HIVEP2: variants seen among roughly 807,000 people sequenced by gnomAD.
HIVEP2 encodes the protein HIVEP zinc finger 2, also known as transcription factor HIVEP2.
A neutral mutation model predicts 180.7 loss-of-function variants in HIVEP2; 14 were observed. The observed-to-expected ratio is 0.08, with a 90% CI of 0.05 to 0.12. HIVEP2 has a LOEUF of 0.12. Among genes scored for constraint, HIVEP2 ranks in the 10% least tolerant of loss-of-function variants. The probability of loss-of-function intolerance (pLI) is 1.00; values close to 1 mark genes in which losing one functional copy is unlikely to be tolerated. For synonymous variants in HIVEP2, 1,184 were observed against 1,136.4 expected (o/e 1.04, Z -0.84); for missense variants, 2,579 against 3,008.5 (o/e 0.86, Z 3.34).
At chr6:142,763,876 C>T (rs1440369174) in intron 7 of HIVEP2, among the ~76,000 whole-genome samples, 5 of 151,974 alleles carry the variant, frequency 3.3e-5, no homozygotes, top group Admixed American at 6.6e-5. Flanking sequence ...GAGAGGCTAC[C>T]CATTTACACT....
At chr6:142,763,732 T>G (rs567296673) in intron 7 of HIVEP2, among the ~76,000 whole-genome samples, 1 of 152,222 alleles carries the variant, frequency 6.6e-6, no homozygotes, top group Non-Finnish European at 1.5e-5. Context: ...AAGGCTTGAT[T>G]GTGCAGAGGT....
intron 1 of HIVEP2, among the ~76,000 whole-genome samples, chr6:142,909,786 G>A (rs1209335149): frequency 1.3e-5 from 2 of 152,180 alleles, no homozygotes; most frequent in East Asian, 1.9e-4. Context: ...CTCAGCCCTA[G>A]TAGAACTTAG....
intron 1 of HIVEP2, among the ~76,000 whole-genome samples, chr6:142,854,139 T>C (rs1485443703): frequency 6.6e-6 from 1 of 152,180 alleles, no homozygotes; most frequent in African/African-American, 2.4e-5. Flanking sequence ...CCCTCAGATT[T>C]ATTGTTAGCC....
intron 1 of HIVEP2, among the ~76,000 whole-genome samples, chr6:142,872,085 T>C (rs1204342487): frequency 2.0e-5 from 3 of 152,062 alleles, no homozygotes; most frequent in Non-Finnish European, 4.4e-5. Flanking sequence ...GCTGGACCAG[T>C]GCGTAGGTAT....
intron 3 of HIVEP2, among the ~76,000 whole-genome samples, chr6:142,781,272 T>C (rs1162033002): frequency 6.6e-6 from 1 of 152,156 alleles, no homozygotes. Context: ...AGTATGAGAG[T>C]AATTCTCATA....
chr6:142,833,462 A>C (rs79913104), intron 2 of HIVEP2, among the ~76,000 whole-genome samples: 2,517 of 152,292 alleles, frequency 0.017, 88 homozygotes, highest in African/African-American at 0.058. Flanking sequence ...GATAGACAGA[A>C]GGAAATACTA....
rs61180146 is a variant in HIVEP2 at position 142,778,982 on chromosome 6, A to T, written c.-432-2791T>A. ...AATGCCATTTCCTAGAAATAAAAAAATCCATAATTTAAATAATGTTCAAAA... is the reference window on the plus strand; with the variant it reads ...AATGCCATTTCCTAGAAATAAAAAATTCCATAATTTAAATAATGTTCAAAA... On this transcript the variant is annotated intron_variant, in intron 3 of 9. Coordinates refer to ENST00000367603, the MANE Select transcript of HIVEP2 (RefSeq NM_006734.4). Among the ~76,000 whole-genome samples, 600 of 152,374 alleles carry T rather than the reference A, an allele frequency of 3.9e-3. 8 individuals are homozygous for T. The highest frequency in any genetic ancestry group is 0.014 in the African/African-American group (568 of 41,588).
chr6:142,777,570 C>T (rs962016812), intron 3 of HIVEP2, among the ~76,000 whole-genome samples: 3 of 137,194 alleles, frequency 2.2e-5, no homozygotes, highest in African/African-American at 8.3e-5. Flanking sequence ...ATTGTTTGGA[C>T]CCGGGAGGCA....
chr6:142,810,530 G>C (rs1021950798), intron 2 of HIVEP2, among the ~76,000 whole-genome samples: 1 of 152,140 alleles, frequency 6.6e-6, no homozygotes, highest in East Asian at 1.9e-4. Context: ...TGGGAGGCCA[G>C]GGGGGCAAAT....
chr6:142,881,314 C>T (rs964700174), intron 1 of HIVEP2, among the ~76,000 whole-genome samples: 1 of 152,094 alleles, frequency 6.6e-6, no homozygotes, highest in African/African-American at 2.4e-5. Flanking sequence ...ATCTATAAAT[C>T]ATCATGTCAA....
At chr6:142,756,013 A>G (rs923710872) in intron 9 of HIVEP2, among the ~76,000 whole-genome samples, 1 of 152,250 alleles carries the variant, frequency 6.6e-6, no homozygotes, top group African/African-American at 2.4e-5. Context: ...ACAAACTTCC[A>G]TCTTACTTAA....
chr6:142,804,583 C>T (rs534916016), intron 2 of HIVEP2, among the ~76,000 whole-genome samples: 1 of 151,892 alleles, frequency 6.6e-6, no homozygotes, highest in African/African-American at 2.4e-5. Flanking sequence ...AGTTATGACC[C>T]CTGCTTGGAA....
intron 1 of HIVEP2, among the ~76,000 whole-genome samples, chr6:142,915,905 A>T (rs1482285840): frequency 6.6e-6 from 1 of 152,086 alleles, no homozygotes; most frequent in Non-Finnish European, 1.5e-5. Flanking sequence ...AAACTCAACA[A>T]ATCCAAAAAC....
Position 142,752,897 on chromosome 6 carries a change from A to G in HIVEP2, c.*210T>C. 1.9e-6 allele frequency: 1 copy of G among 535,690 alleles called. No individual in the cohort carries two copies. The highest frequency in any genetic ancestry group is 3.3e-6 in the Non-Finnish European group (1 of 302,008). 33.2% of individuals were successfully genotyped at this position (535,690 alleles called of 1,614,324 possible). Reference sequence around the variant, plus strand: ...ATCTGTACAATTTTAAAAGTACCAGACCCAATAGGTTAATTTCAAATTTTG... The same window carrying G: ...ATCTGTACAATTTTAAAAGTACCAGGCCCAATAGGTTAATTTCAAATTTTG... On this transcript the variant is annotated 3_prime_UTR_variant, in exon 10 of 10. Coordinates refer to ENST00000367603, the MANE Select transcript of HIVEP2 (RefSeq NM_006734.4).
intron 3 of HIVEP2, among the ~76,000 whole-genome samples, chr6:142,778,460 T>C (rs944085378): frequency 8.5e-5 from 13 of 152,236 alleles, no homozygotes; most frequent in African/African-American, 2.9e-4. Context: ...CAAGCATGTA[T>C]GAATCCTCAA....
chr6:142,766,217 T>G (rs1775376974), intron 6 of HIVEP2, among the ~76,000 whole-genome samples: 1 of 152,218 alleles, frequency 6.6e-6, no homozygotes, highest in Non-Finnish European at 1.5e-5. Flanking sequence ...GATTCACATC[T>G]AATCTTAACG....
Position 142,753,843 on chromosome 6 carries a change from A to C in HIVEP2, c.6605T>G (p.Phe2202Cys), listed in dbSNP as rs1562493690. ...GACATAGTCATTAGGACCCTCAGGG[A>C]AAAGGCTGGAGCCTGGATGTTCATA... ...GAYEHPGSSL[F>C]PEGPNDYVFS... The change falls in exon 10 of 10, where the codon TTC (phenylalanine) becomes TGC (cysteine). Residue 2202 changes from phenylalanine to cysteine, a missense_variant. By Grantham distance (205) the Phe-to-Cys change is radical. This residue lies in a region of HIVEP2 where 660 missense variants were observed against 731.7 expected (regional missense o/e 0.90). Coordinates refer to ENST00000367603, the MANE Select transcript of HIVEP2 (RefSeq NM_006734.4). 6.2e-7 allele frequency: 1 copy of C among 1,613,260 alleles called. No homozygotes were observed. Among genetic ancestry groups the C allele is most frequent in the South Asian group, 1.1e-5 (1 of 91,064 alleles).
At chr6:142,874,709 G>C (rs1030241205) in intron 1 of HIVEP2, among the ~76,000 whole-genome samples, 5 of 152,146 alleles carry the variant, frequency 3.3e-5, no homozygotes, top group African/African-American at 1.2e-4. Flanking sequence ...GGACACTCAG[G>C]AGGGAAGAGA....
At chr6:142,917,773 C>T (rs1341749765) in intron 1 of HIVEP2, among the ~76,000 whole-genome samples, 1 of 151,942 alleles carries the variant, frequency 6.6e-6, no homozygotes, top group Non-Finnish European at 1.5e-5. Context: ...TCATAATATG[C>T]TTCTGTAATT....
Sources: allele counts gnomAD v4.1 joint callset (sites outside exome capture counted in the v4.1 genomes callset), GRCh38; gene constraint gnomAD v4.1.1; regional missense constraint gnomAD v4.1.1; transcripts MANE v1.5; gene names NCBI Gene and HGNC (gene_info 2026-07-23, HGNC 2026-07-21).